The following ARHGAP26 variants were observed in gnomAD, a reference collection of about 807,000 sequenced individuals.
ARHGAP26 encodes Rho GTPase activating protein 26.
Under a neutral mutation model 104.8 loss-of-function variants are expected in ARHGAP26, and 38 were observed. The observed-to-expected ratio is 0.36, with a 90% CI of 0.28 to 0.48. The LOEUF is 0.48. Among genes scored for constraint, ARHGAP26 ranks in the 20% least tolerant of loss-of-function variants. ARHGAP26 has a pLI of 0.99. For synonymous variants in ARHGAP26, 341 were observed against 340.0 expected, an observed-to-expected ratio of 1.00 and a Z score of -0.03; for missense variants, 704 against 947.9, an observed-to-expected ratio of 0.74 and a Z score of 3.38.
intron 1 of ARHGAP26, among the ~76,000 whole-genome samples, chr5:142,823,244 G>C (rs1199609712): frequency 6.6e-6 from 1 of 152,114 alleles, no homozygotes; most frequent in Non-Finnish European, 1.5e-5. Flanking sequence ...TTCTCTTCAG[G>C]TAAGGACACT....
At chr5:143,060,242 G>A (rs1336712823) in intron 17 of ARHGAP26, among the ~76,000 whole-genome samples, 2 of 152,148 alleles carry the variant, frequency 1.3e-5, no homozygotes, top group African/African-American at 4.8e-5. Context: ...TGATTCTGCT[G>A]GAAAACTGGT....
At chr5:143,139,957 A>C (rs1798324903) in intron 19 of ARHGAP26, among the ~76,000 whole-genome samples, 2 of 152,238 alleles carry the variant, frequency 1.3e-5, no homozygotes, top group Admixed American at 1.3e-4. Flanking sequence ...GGGTTTGCAA[A>C]GTGACACTTA....
intron 11 of ARHGAP26, among the ~76,000 whole-genome samples, chr5:142,967,488 T>C (rs564116232): frequency 6.6e-6 from 1 of 152,058 alleles, no homozygotes; most frequent in Non-Finnish European, 1.5e-5. Flanking sequence ...AAATCCAAAT[T>C]AGAATTTAAG....
intron 10 of ARHGAP26, among the ~76,000 whole-genome samples, chr5:142,930,166 A>G (rs1764506788): frequency 6.6e-6 from 1 of 152,206 alleles, no homozygotes; most frequent in East Asian, 1.9e-4. Flanking sequence ...GGGACTTGAG[A>G]GTTCTGCAAT....
chr5:143,017,678 A>G (rs1055324301), intron 12 of ARHGAP26, among the ~76,000 whole-genome samples: 8 of 152,182 alleles, frequency 5.3e-5, no homozygotes, highest in Admixed American at 4.6e-4. Flanking sequence ...GTCAGGAGCC[A>G]TTCGTATTCC....
At chr5:142,901,859 G>T in intron 6 of ARHGAP26, 76 bp from the exon 7 acceptor site, 1 of 1,159,804 alleles carries the variant, frequency 8.6e-7, no homozygotes, top group Non-Finnish European at 1.3e-6. Flanking sequence ...AGCCAGTGTT[G>T]GGAGCTCAGA....
chr5:143,051,708 G>A (rs1046378047), intron 14 of ARHGAP26, among the ~76,000 whole-genome samples: 18 of 152,128 alleles, frequency 1.2e-4, no homozygotes, highest in African/African-American at 4.3e-4. Flanking sequence ...CCCTTTAGCC[G>A]GGCTGTAATT....
intron 18 of ARHGAP26, among the ~76,000 whole-genome samples, chr5:143,129,196 G>A (rs1283847500): frequency 1.3e-5 from 2 of 152,212 alleles, no homozygotes; most frequent in Non-Finnish European, 2.9e-5. Context: ...GTTTTGCAAA[G>A]AACAGTAATT....
Position 142,821,557 on chromosome 5 carries a change from T to C in ARHGAP26, c.154+50642T>C, listed in dbSNP as rs182713903. The stretch of plus-strand genomic sequence containing the variant: ...ATTGCTGGGCCATGGCTGGGAATTA[T>C]CATTCCTGGACCAGCACCATCAACA... On this transcript the variant is annotated intron_variant, in intron 1 of 22. Transcript: ENST00000645722. 2.5e-3 allele frequency among the ~76,000 whole-genome samples: 382 copies of C among 152,294 alleles called. 5 individuals are homozygous for C. Among genetic ancestry groups the C allele is most frequent in the Admixed American group, 0.014 (210 of 15,300 alleles).
chr5:143,159,146 T>C (rs1429605283), intron 20 of ARHGAP26, among the ~76,000 whole-genome samples: 2 of 152,186 alleles, frequency 1.3e-5, no homozygotes, highest in Non-Finnish European at 1.5e-5. Context: ...AGCAGTGACC[T>C]TCAGTCAAGG....
At chr5:142,988,029 C>T (rs1290855788) in intron 11 of ARHGAP26, among the ~76,000 whole-genome samples, 3 of 152,150 alleles carry the variant, frequency 2.0e-5, no homozygotes, top group Non-Finnish European at 1.5e-5. Flanking sequence ...AGGGAGGATT[C>T]CCTCTTTTTC....
At chr5:142,771,319 C>G (rs1393450808) in intron 1 of ARHGAP26, 30 of 1,232,828 alleles carry the variant, frequency 2.4e-5, no homozygotes, top group Non-Finnish European at 2.8e-5. Context: ...CTTGAGTGCC[C>G]AACCGTGAGA....
At chr5:143,055,975 G>T in intron 15 of ARHGAP26, 53 bp from the exon 16 acceptor site, 1 of 1,317,498 alleles carries the variant, frequency 7.6e-7, no homozygotes, top group South Asian at 1.2e-5. Context: ...TATTTAGAGA[G>T]AATATGATTA....
rs1000296145 is a variant in ARHGAP26 at position 143,121,320 on chromosome 5, A to G, written c.1698+173A>G. 3.3e-5 allele frequency among the ~76,000 whole-genome samples: 5 copies of G among 152,312 alleles called. No homozygotes were observed. The East Asian group carries it at 5.8e-4, about 18-fold the overall frequency. ...GTGATGATAATGTAAGGTTGGTGGT[A>G]AAGGTGTCAACCGTGGTAGTTACAA... On this transcript the variant is annotated intron_variant, in intron 18 of 22. Coordinates refer to ENST00000645722, the MANE Select transcript of ARHGAP26 (RefSeq NM_001135608.3).
intron 21 of ARHGAP26, among the ~76,000 whole-genome samples, chr5:143,211,429 C>T (rs1188566870): frequency 6.6e-6 from 1 of 152,182 alleles, no homozygotes; most frequent in African/African-American, 2.4e-5. Flanking sequence ...AGCACCTCTT[C>T]TGTCATTTCT....
chr5:143,217,189 G>C (rs1407362338), intron 22 of ARHGAP26, among the ~76,000 whole-genome samples: 1 of 152,160 alleles, frequency 6.6e-6, no homozygotes, highest in Non-Finnish European at 1.5e-5. Flanking sequence ...GAGGAAAAGG[G>C]AGGGGCCCGT....
chr5:142,770,652 C>G lies in ARHGAP26; in HGVS notation c.-110C>G. 7.4e-6 allele frequency: 6 copies of G among 811,364 alleles called. No individual in the cohort carries two copies. The highest frequency in any genetic ancestry group is 9.1e-6 in the Non-Finnish European group (6 of 659,944). The allele number at this position is 811,364 out of a possible 1,614,324, so 50.3% of individuals were successfully genotyped here. On this transcript the variant is annotated 5_prime_UTR_variant, in exon 1 of 23. Coordinates refer to ENST00000645722, the MANE Select transcript of ARHGAP26 (RefSeq NM_001135608.3). Reference sequence around the variant, plus strand: ...GTGAGCCAGCGCCACACCTGTGGAGCCGGCGGCCGTCGGGGGAGCCGGCCG... The same window carrying G: ...GTGAGCCAGCGCCACACCTGTGGAGGCGGCGGCCGTCGGGGGAGCCGGCCG...
intron 11 of ARHGAP26, among the ~76,000 whole-genome samples, chr5:142,978,461 T>C (rs1199822404): frequency 6.6e-6 from 1 of 152,186 alleles, no homozygotes; most frequent in Non-Finnish European, 1.5e-5. Context: ...AATCTGAAAC[T>C]GGAAACCGAA....
intron 17 of ARHGAP26, among the ~76,000 whole-genome samples, chr5:143,095,297 C>T (rs1023837092): frequency 2.0e-5 from 3 of 151,998 alleles, no homozygotes; most frequent in African/African-American, 7.2e-5. Flanking sequence ...TATTATGCAA[C>T]CATTCCCTCT....
Sources: allele counts gnomAD v4.1 joint callset (sites outside exome capture counted in the v4.1 genomes callset), GRCh38; gene constraint gnomAD v4.1.1; transcripts MANE v1.5; gene names NCBI Gene and HGNC (gene_info 2026-07-23, HGNC 2026-07-21).